The following ALG9 variants were observed in gnomAD, a reference collection of about 807,000 sequenced individuals.
ALG9 encodes alpha-1,2-mannosyltransferase ALG9.
Under a neutral mutation model 81.8 loss-of-function variants are expected in ALG9, and 55 were observed. The ratio of observed to expected loss-of-function variants is 0.67; its 90% confidence interval spans 0.54 to 0.84. ALG9 has a LOEUF of 0.84. Ranked by LOEUF, ALG9 falls within the 40% of genes least tolerant of loss-of-function variation. The probability of loss-of-function intolerance (pLI) is 0.00; values close to 1 mark genes in which losing one functional copy is unlikely to be tolerated. For synonymous variants in ALG9, 278 were observed against 274.3 expected (o/e 1.01, Z -0.13); for missense variants, 629 against 745.0 (o/e 0.84, Z 1.81).
intron 14 of ALG9, among the ~76,000 whole-genome samples, chr11:111,788,734 CAG>C (rs1946870679): frequency 6.6e-6 from 1 of 150,910 alleles, no homozygotes; most frequent in Non-Finnish European, 1.5e-5. Context: ...GCCTGGGTGA[CAG>C]AGTGAGACAT....
At chr11:111,801,057 C>T (rs1445963247) in intron 14 of ALG9, among the ~76,000 whole-genome samples, 1 of 152,044 alleles carries the variant, frequency 6.6e-6, no homozygotes. Context: ...GGTGTGCAGC[C>T]CCATCTTATC....
chr11:111,866,702 G>A (rs1196267457), intron 3 of ALG9, among the ~76,000 whole-genome samples: 5 of 151,350 alleles, frequency 3.3e-5, no homozygotes, highest in Non-Finnish European at 5.9e-5. Flanking sequence ...ATACTAGATA[G>A]CCAAATGGAA....
intron 10 of ALG9, among the ~76,000 whole-genome samples, chr11:111,839,219 T>G (rs1389547495): frequency 6.6e-6 from 1 of 152,168 alleles, no homozygotes; most frequent in Non-Finnish European, 1.5e-5. Context: ...ATGCTATATA[T>G]TATATCCAAC....
rs1555118587 is a variant in ALG9 at position 111,837,484 on chromosome 11, A to G, written c.1456T>C (p.Phe486Leu). The G allele has an allele frequency of 3.7e-5, 60 of 1,614,196 alleles. No individual in the cohort carries two copies. The highest frequency in any genetic ancestry group is 5.1e-5 in the Non-Finnish European group (60 of 1,180,044). The change falls in exon 12 of 15, where the codon TTC (phenylalanine) becomes CTC (leucine). Residue 486 changes from phenylalanine (F) to leucine (L), a missense_variant. Transcript: ENST00000616540. ...GKEWYRFPSS[F>L]LLPDNWQLQF... ...ACAACTTACTTGTCAGGAAGAAGGA[A>G]GCTGCTGGGAAATCGATACCACTCT...
chr11:111,868,528 T>C, intron 3 of ALG9, 74 bp downstream of exon 3: 1 of 1,531,946 alleles, frequency 6.5e-7, no homozygotes, highest in Non-Finnish European at 8.9e-7. Context: ...ATTCATTTTG[T>C]CCTTTTCTCA....
At position 111,849,053 on chromosome 11, in the gene ALG9, CTTTCT is replaced by C. The variant is rs201649851; in HGVS notation, c.895+4322_895+4326del. Among the ~76,000 whole-genome samples the C allele has an allele frequency of 6.6e-5, 10 of 151,502 alleles. No homozygotes were observed. In the East Asian group the frequency reaches 1.2e-3, roughly 18 times the overall value. On this transcript the variant is annotated intron_variant, in intron 8 of 14. Coordinates refer to ENST00000616540, the MANE Select transcript of ALG9 (RefSeq NM_024740.2). ...TTATTCAATGTTTCTTTCTTTCTTT[CTTTCT>C]TTTTTTTTTTGAGACAGGGTCTCCC...
intron 13 of ALG9, among the ~76,000 whole-genome samples, chr11:111,820,597 T>C (rs1287366373): frequency 6.6e-6 from 1 of 152,182 alleles, no homozygotes; most frequent in Non-Finnish European, 1.5e-5. Context: ...TCCCAATACA[T>C]GAACTTTGGG....
chr11:111,870,700 G>A, intron 1 of ALG9: 1 of 999,306 alleles, frequency 1.0e-6, no homozygotes, highest in Non-Finnish European at 1.2e-6. Flanking sequence ...TGCTTTTAAG[G>A]CATAAATTAA....
intron 6 of ALG9, among the ~76,000 whole-genome samples, chr11:111,856,371 A>G (rs186740917): frequency 1.3e-5 from 2 of 151,916 alleles, no homozygotes; most frequent in Admixed American, 1.3e-4. Context: ...CAATAAGGCA[A>G]TAAGTAAATC....
the ALG9 span, among the ~76,000 whole-genome samples, chr11:111,774,325 G>A: frequency 2.0e-5 from 3 of 152,228 alleles, no homozygotes; most frequent in Admixed American, 6.5e-5. Context: ...GCGGTGAGCC[G>A]AGATTGCACC....
intron 13 of ALG9, among the ~76,000 whole-genome samples, chr11:111,819,758 A>G (rs1006166089): frequency 6.6e-6 from 1 of 152,244 alleles, no homozygotes; most frequent in African/African-American, 2.4e-5. Flanking sequence ...GCAAGGCCCA[A>G]GCCTTCTTAT....
At chr11:111,821,630 TC>T (rs1397238524) in intron 13 of ALG9, among the ~76,000 whole-genome samples, 3 of 151,592 alleles carry the variant, frequency 2.0e-5, no homozygotes, top group Non-Finnish European at 4.4e-5. Flanking sequence ...TTCCGCTGTT[TC>T]CCCAGGCTTC....
At chr11:111,836,417 T>C in intron 12 of ALG9, 123 bp from the exon 13 acceptor site, 1 of 1,311,608 alleles carries the variant, frequency 7.6e-7, no homozygotes, top group South Asian at 1.3e-5. Flanking sequence ...ATATTTCTGC[T>C]AAAACCTCAA....
At position 111,837,543 on chromosome 11, in the gene ALG9, G is replaced by A; in HGVS notation, c.1397C>T (p.Pro466Leu). 6.2e-7 allele frequency: 1 copy of A among 1,614,086 alleles called. No homozygotes were observed. Among genetic ancestry groups the A allele is most frequent in the Non-Finnish European group, 8.5e-7 (1 of 1,179,948 alleles). ...ACAGACATTCACAGGTCTGCCTTCT[G>A]GGACAGTGTGGATGGTTGGGTCTGT... ...IATDPTIHTV[P>L]EGRPVNVCVG... Residue 466 changes from proline (P) to leucine (L), a missense_variant, in exon 12 of 15, where the codon CCA (proline) becomes CTA (leucine). Physicochemically the swap from Pro to Leu is moderately conservative, Grantham distance 98. Around this residue, in one of 3 missense-constraint regions of ALG9, gnomAD observed 264 missense variants for 302.2 expected, o/e 0.87. Coordinates refer to ENST00000616540, the MANE Select transcript of ALG9 (RefSeq NM_024740.2).
chr11:111,829,399 G>C (rs371912067), intron 13 of ALG9, among the ~76,000 whole-genome samples: 11 of 152,244 alleles, frequency 7.2e-5, no homozygotes, highest in African/African-American at 2.2e-4. Flanking sequence ...GACTCATTTT[G>C]AAAGAAATGT....
chr11:111,808,903 G>A (rs1377233432), intron 14 of ALG9, among the ~76,000 whole-genome samples: 2 of 152,148 alleles, frequency 1.3e-5, no homozygotes, highest in Non-Finnish European at 2.9e-5. Flanking sequence ...TCTGAAGAGC[G>A]AGTCAAGCCC....
At chr11:111,860,205 G>C (rs1406443092) in intron 5 of ALG9, among the ~76,000 whole-genome samples, 1 of 152,198 alleles carries the variant, frequency 6.6e-6, no homozygotes, top group Admixed American at 6.5e-5. Context: ...GGTGGTTGAT[G>C]CAAGAATGGA....
Position 111,870,382 on chromosome 11 carries a change from CAAAAAAAAA to C in ALG9, c.132-21_132-13del, listed in dbSNP as rs60312459. The C allele has an allele frequency of 3.4e-5, 33 of 973,788 alleles. No individual in the cohort carries two copies. Among genetic ancestry groups the C allele is most frequent in the Admixed American group, 2.8e-4 (3 of 10,844 alleles). 60.3% of individuals were successfully genotyped at this position (973,788 alleles called of 1,614,324 possible). On this transcript the variant is annotated splice_polypyrimidine_tract_variant and intron_variant, in intron 1 of 14. Transcript: ENST00000616540. Reference sequence around the variant, plus strand: ...TGTTCCCAGATAACCTGTTCAAAAGCAAAAAAAAAAAAAAAAAAAAAAGCATGTCAGGAA... The same window carrying C: ...TGTTCCCAGATAACCTGTTCAAAAGCAAAAAAAAAAAAAGCATGTCAGGAA...
chr11:111,870,441 A>C, intron 1 of ALG9, 71 bp from the exon 2 acceptor site: 7 of 1,479,114 alleles, frequency 4.7e-6, no homozygotes, highest in Admixed American at 2.9e-5. Context: ...GAAGACCTAA[A>C]TCTAGATAGA....
Sources: allele counts gnomAD v4.1 joint callset (sites outside exome capture counted in the v4.1 genomes callset), GRCh38; gene constraint gnomAD v4.1.1; regional missense constraint gnomAD v4.1.1; transcripts MANE v1.5; gene names NCBI Gene and HGNC (gene_info 2026-07-23, HGNC 2026-07-21).